Variants in CDH6 observed in about 807,000 individuals in gnomAD.
CDH6 encodes the protein cadherin-6.
Under a neutral mutation model 78.0 loss-of-function variants are expected in CDH6, and 31 were observed. The ratio of observed to expected loss-of-function variants is 0.40; its 90% CI spans 0.30 to 0.54. The LOEUF (loss-of-function observed/expected upper bound fraction) is 0.54, where lower values mean the gene tolerates loss of function less well. CDH6 is among the 20% of genes least tolerant of loss of function. CDH6 has a pLI of 0.56. For missense variants in CDH6, 724 were observed against 975.9 expected, an observed-to-expected ratio of 0.74 and a Z score of 3.44; for synonymous variants, 376 against 368.8, an observed-to-expected ratio of 1.02 and a Z score of -0.23.
intron 1 of CDH6, among the ~76,000 whole-genome samples, chr5:31,219,357 C>A (rs543689392): frequency 1.3e-5 from 2 of 152,218 alleles, no homozygotes; most frequent in African/African-American, 4.8e-5. Flanking sequence ...ATACACACAG[C>A]CACACACATC....
At chr5:31,199,447 CACACAT>C (rs1373305274) in intron 1 of CDH6, among the ~76,000 whole-genome samples, 1 of 28,458 alleles carries the variant, frequency 3.5e-5, no homozygotes, top group Non-Finnish European at 1.0e-4. Context: ...TATATATACA[CACACAT>C]ATGTGTATAT....
intron 1 of CDH6, among the ~76,000 whole-genome samples, chr5:31,222,379 G>A (rs1236641912): frequency 1.3e-5 from 2 of 152,048 alleles, no homozygotes; most frequent in African/African-American, 2.4e-5. Context: ...TTAGATATAA[G>A]TATGTTAAGT....
chr5:31,240,437 T>G (rs890711121), intron 1 of CDH6, among the ~76,000 whole-genome samples: 2 of 152,170 alleles, frequency 1.3e-5, no homozygotes, highest in African/African-American at 4.8e-5. Context: ...ATTAGTACTC[T>G]GAAGCTCCCT....
At chr5:31,302,887 GA>G (rs1561066253) in intron 6 of CDH6, among the ~76,000 whole-genome samples, 37 of 110,588 alleles carry the variant, frequency 3.3e-4, no homozygotes, top group African/African-American at 1.4e-3. Context: ...AGGAAGGAAG[GA>G]AAGAAAGAAA....
chr5:31,305,258 G>C lies in CDH6; in HGVS notation c.1084G>C (p.Gly362Arg). Residue 362 changes from glycine (G) to arginine (R), a missense_variant, in exon 7 of 12, where the codon GGG (glycine) becomes CGG (arginine). By Grantham distance (125) the Gly-to-Arg change is moderately radical (BLOSUM62 -2). Coordinates refer to ENST00000265071, the MANE Select transcript of CDH6 (RefSeq NM_004932.4). ...PYVEPRFLYL[G>R]PFKDSATVRI... Reference sequence around the variant, plus strand: ...TGTTGAGCCACGATTTCTCTACTTGGGGCCTTTCAAAGATTCAGCCACGGT... The same window carrying C: ...TGTTGAGCCACGATTTCTCTACTTGCGGCCTTTCAAAGATTCAGCCACGGT... 1 of 1,614,042 alleles carries C rather than the reference G, an allele frequency of 6.2e-7. No homozygotes were observed. The highest frequency in any genetic ancestry group is 1.7e-5 in the Admixed American group (1 of 60,018).
At chr5:31,286,669 C>T (rs1380836148) in intron 2 of CDH6, among the ~76,000 whole-genome samples, 2 of 151,978 alleles carry the variant, frequency 1.3e-5, no homozygotes, top group East Asian at 3.9e-4. Flanking sequence ...GTAAAGAGGA[C>T]ACTGCAGGAT....
At chr5:31,320,179 A>C (rs1406247488) in intron 11 of CDH6, among the ~76,000 whole-genome samples, 1 of 152,228 alleles carries the variant, frequency 6.6e-6, no homozygotes, top group Admixed American at 6.5e-5. Flanking sequence ...TTTTCACTTT[A>C]TAAAAGTTAG....
At chr5:31,266,380 A>C (rs1039785465) in intron 1 of CDH6, among the ~76,000 whole-genome samples, 1 of 152,172 alleles carries the variant, frequency 6.6e-6, no homozygotes, top group African/African-American at 2.4e-5. Flanking sequence ...TGGTACTTAG[A>C]TATGTTTGAC....
At chr5:31,239,239 T>C (rs965539929) in intron 1 of CDH6, among the ~76,000 whole-genome samples, 1 of 152,226 alleles carries the variant, frequency 6.6e-6, no homozygotes, top group African/African-American at 2.4e-5. Context: ...CTTCTTATTT[T>C]ACAGTTAAAG....
chr5:31,240,995 C>CT (rs1741587855), intron 1 of CDH6, among the ~76,000 whole-genome samples: 1 of 152,194 alleles, frequency 6.6e-6, no homozygotes, highest in African/African-American at 2.4e-5. Context: ...TAATCTAAAG[C>CT]TTTTTCAGTT....
intron 10 of CDH6, 31 bp downstream of exon 10, chr5:31,317,523 A>G (rs777902166): frequency 2.0e-6 from 3 of 1,523,390 alleles, no homozygotes; most frequent in South Asian, 1.1e-5. Flanking sequence ...TTCTCTATCT[A>G]TCTCCATCTA....
intron 2 of CDH6, among the ~76,000 whole-genome samples, chr5:31,280,586 G>C (rs1418455996): frequency 6.6e-6 from 1 of 152,168 alleles, no homozygotes; most frequent in Non-Finnish European, 1.5e-5. Flanking sequence ...AAGTAGCAGA[G>C]AGTATTTCAG....
chr5:31,322,224 T>G (rs1738492733), intron 11 of CDH6, among the ~76,000 whole-genome samples: 1 of 152,244 alleles, frequency 6.6e-6, no homozygotes, highest in Non-Finnish European at 1.5e-5. Context: ...TTCTGAATTA[T>G]ATCTGGGTCT....
intron 1 of CDH6, among the ~76,000 whole-genome samples, chr5:31,196,796 G>A (rs1047248242): frequency 7.9e-5 from 12 of 152,084 alleles, no homozygotes; most frequent in African/African-American, 2.7e-4. Flanking sequence ...GATTCCAAAT[G>A]AAAGCAATGG....
intron 1 of CDH6, among the ~76,000 whole-genome samples, chr5:31,257,134 C>A (rs1444621593): frequency 6.6e-6 from 1 of 151,954 alleles, no homozygotes; most frequent in East Asian, 1.9e-4. Flanking sequence ...CATGGTGATA[C>A]CTCCAAGTGC....
At chr5:31,283,620 G>T (rs1188508628) in intron 2 of CDH6, among the ~76,000 whole-genome samples, 1 of 151,998 alleles carries the variant, frequency 6.6e-6, no homozygotes, top group Non-Finnish European at 1.5e-5. Flanking sequence ...GCCAGATGAT[G>T]AATCACAAAA....
intron 11 of CDH6, chr5:31,318,212 A>G: frequency 3.4e-6 from 2 of 590,324 alleles, no homozygotes; most frequent in South Asian, 4.3e-5. Context: ...AGGGCAACAT[A>G]AATGTGCCCT....
intron 2 of CDH6, among the ~76,000 whole-genome samples, chr5:31,273,686 T>C (rs1742598423): frequency 6.6e-6 from 1 of 152,190 alleles, no homozygotes; most frequent in African/African-American, 2.4e-5. Flanking sequence ...TTCTACGCAA[T>C]ACCACAAATA....
chr5:31,284,612 G>C (rs987977722), intron 2 of CDH6, among the ~76,000 whole-genome samples: 3 of 152,212 alleles, frequency 2.0e-5, no homozygotes, highest in Non-Finnish European at 4.4e-5. Context: ...AAATCCTGTA[G>C]CTAGGACTAC....
Sources: allele counts gnomAD v4.1 joint callset (sites outside exome capture counted in the v4.1 genomes callset), GRCh38; gene constraint gnomAD v4.1.1; transcripts MANE v1.5; gene names NCBI Gene and HGNC (gene_info 2026-07-23, HGNC 2026-07-21).